WWC2: variants seen among roughly 807,000 people sequenced by gnomAD.
WWC2 encodes the protein WW and C2 domain containing 2.
WWC2 carries 101 observed loss-of-function variants against 138.5 expected under a neutral mutation model. The ratio of observed to expected loss-of-function variants is 0.73; its 90% CI spans 0.62 to 0.86. The LOEUF (loss-of-function observed/expected upper bound fraction) is 0.86. Among genes scored for constraint, WWC2 ranks in the 40% least tolerant of loss-of-function variants. The probability of loss-of-function intolerance (pLI) is 0.00; values close to 1 mark genes in which losing one functional copy is unlikely to be tolerated. For synonymous variants in WWC2, 558 were observed against 538.4 expected, an observed-to-expected ratio of 1.04 and a Z score of -0.50; for missense variants, 1,420 against 1,419.4, an observed-to-expected ratio of 1.00 and a Z score of -0.01.
chr4:183,101,294 A>G (rs1743172906), intron 1 of WWC2, among the ~76,000 whole-genome samples: 1 of 152,238 alleles, frequency 6.6e-6, no homozygotes, highest in Non-Finnish European at 1.5e-5. Context: ...TAGAAAGTGG[A>G]GTGAAATTAT....
At chr4:183,124,536 C>CT (rs370409813) in intron 1 of WWC2, among the ~76,000 whole-genome samples, 1,891 of 122,752 alleles carry the variant, frequency 0.015, 44 homozygotes, top group African/African-American at 0.034. Context: ...TCCTTTTTCT[C>CT]TTTTTTTTTT....
chr4:183,180,089 G>A (rs896558365), intron 1 of WWC2, among the ~76,000 whole-genome samples: 4 of 152,206 alleles, frequency 2.6e-5, no homozygotes, highest in African/African-American at 9.6e-5. Flanking sequence ...GAAGACAACT[G>A]TTTAAGTGTG....
At chr4:183,131,582 A>G (rs1732925500) in intron 1 of WWC2, among the ~76,000 whole-genome samples, 1 of 152,154 alleles carries the variant, frequency 6.6e-6, no homozygotes, top group Non-Finnish European at 1.5e-5. Context: ...TAAGTATTTT[A>G]GAAGCAAATC....
At chr4:183,111,302 C>T (rs1311491506) in intron 1 of WWC2, among the ~76,000 whole-genome samples, 2 of 152,142 alleles carry the variant, frequency 1.3e-5, no homozygotes, top group African/African-American at 4.8e-5. Context: ...ACTTTATTGA[C>T]AGTTGTGCAT....
chr4:183,223,758 C>T (rs947269411), intron 4 of WWC2, among the ~76,000 whole-genome samples: 5 of 151,892 alleles, frequency 3.3e-5, no homozygotes, highest in East Asian at 1.9e-4. Flanking sequence ...CCTTGTCTTA[C>T]CCAGAAGTCT....
chr4:183,212,752 T>G (rs1735640145), intron 4 of WWC2, among the ~76,000 whole-genome samples: 2 of 152,080 alleles, frequency 1.3e-5, no homozygotes, highest in Admixed American at 6.5e-5. Flanking sequence ...TAGAAGGAAA[T>G]GGAGCCTCAT....
At chr4:183,108,615 T>A (rs900235594) in intron 1 of WWC2, among the ~76,000 whole-genome samples, 30 of 145,040 alleles carry the variant, frequency 2.1e-4, no homozygotes, top group Middle Eastern at 7.3e-3. Context: ...GTAGTTAAAA[T>A]TTTTTTTTTT....
At chr4:183,165,303 T>C (rs913902992) in intron 1 of WWC2, among the ~76,000 whole-genome samples, 6 of 151,880 alleles carry the variant, frequency 4.0e-5, no homozygotes, top group African/African-American at 1.5e-4. Flanking sequence ...GAAAGCTGAG[T>C]TGGGAAGCCT....
chr4:183,104,263 T>C (rs1743283113), intron 1 of WWC2, among the ~76,000 whole-genome samples: 1 of 152,228 alleles, frequency 6.6e-6, no homozygotes. Context: ...TTTTGAATCC[T>C]TTATACATGG....
At chr4:183,165,628 C>G (rs1009570312) in intron 1 of WWC2, among the ~76,000 whole-genome samples, 12 of 152,154 alleles carry the variant, frequency 7.9e-5, no homozygotes, top group African/African-American at 2.9e-4. Context: ...CTACATACTT[C>G]TCATGCCTTC....
chr4:183,220,692 G>A (rs1433583552), intron 4 of WWC2, among the ~76,000 whole-genome samples: 3 of 152,178 alleles, frequency 2.0e-5, no homozygotes, highest in African/African-American at 7.2e-5. Flanking sequence ...AAAGTAGCCG[G>A]GCGTGGTGGC....
chr4:183,289,556 C>T lies in WWC2; in HGVS notation c.3305C>T (p.Ala1102Val). 1 of 1,613,950 alleles carries T rather than the reference C, an allele frequency of 6.2e-7. No homozygotes were observed. Among genetic ancestry groups the T allele is most frequent in the Non-Finnish European group, 8.5e-7 (1 of 1,179,882 alleles). Residue 1102 changes from alanine to valine, a missense_variant, in exon 21 of 23, where the codon GCT (alanine) becomes GTT (valine). Transcript: ENST00000403733. ...DLRQKLEELK[A>V]QGETDLPPGV... Reference sequence around the variant, plus strand: ...CGGCAGAAGCTGGAGGAACTGAAAGCTCAGGGAGAGACTGACCTTCCACCA... The same window carrying T: ...CGGCAGAAGCTGGAGGAACTGAAAGTTCAGGGAGAGACTGACCTTCCACCA...
At chr4:183,230,366 G>A (rs1359830994) in intron 4 of WWC2, among the ~76,000 whole-genome samples, 1 of 150,836 alleles carries the variant, frequency 6.6e-6, no homozygotes, top group Non-Finnish European at 1.5e-5. Context: ...AGTAGAAGAA[G>A]ATAAATAAAA....
chr4:183,161,601 A>G (rs578259600), intron 1 of WWC2, among the ~76,000 whole-genome samples: 20 of 152,214 alleles, frequency 1.3e-4, no homozygotes, highest in Admixed American at 5.9e-4. Context: ...GACTGCATAT[A>G]TAACAGTGGT....
chr4:183,242,517 A>G (rs1319005229), intron 5 of WWC2, among the ~76,000 whole-genome samples: 3 of 152,204 alleles, frequency 2.0e-5, no homozygotes, highest in Non-Finnish European at 2.9e-5. Context: ...CCTAAGCAGC[A>G]GTGTAGTATA....
chr4:183,141,848 T>A (rs1733310226), intron 1 of WWC2, among the ~76,000 whole-genome samples: 1 of 152,198 alleles, frequency 6.6e-6, no homozygotes, highest in African/African-American at 2.4e-5. Flanking sequence ...CAAATGTCTG[T>A]TTGTCCTGCT....
intron 1 of WWC2, among the ~76,000 whole-genome samples, chr4:183,155,118 A>G (rs1021334282): frequency 4.4e-5 from 1 of 22,664 alleles, no homozygotes; most frequent in African/African-American, 1.2e-4. Context: ...AAAATTAGAA[A>G]AGTTAGAACT....
intron 4 of WWC2, among the ~76,000 whole-genome samples, chr4:183,221,525 A>G (rs1735937593): frequency 6.6e-6 from 1 of 152,234 alleles, no homozygotes; most frequent in African/African-American, 2.4e-5. Context: ...AAGTCTCAGT[A>G]CATTTAAGGG....
intron 1 of WWC2, among the ~76,000 whole-genome samples, chr4:183,167,214 A>G (rs1734153195): frequency 6.6e-6 from 1 of 152,156 alleles, no homozygotes; most frequent in African/African-American, 2.4e-5. Flanking sequence ...ACCTAATTTT[A>G]TATACTGGAG....
Sources: gnomAD v4.1 joint callset for allele counts (sites outside exome capture counted in the v4.1 genomes callset) on GRCh38, gnomAD v4.1.1 for gene constraint, MANE v1.5 for transcripts, NCBI Gene and HGNC (gene_info 2026-07-23, HGNC 2026-07-21) for gene names.